The following DMD variants were observed in gnomAD, a reference collection of about 807,000 sequenced individuals.
DMD encodes the protein dystrophin.
DMD carries 63 observed loss-of-function variants against 330.1 expected under a neutral mutation model. The ratio of observed to expected loss-of-function variants is 0.19; its 90% confidence interval spans 0.16 to 0.24. DMD has a LOEUF of 0.24. DMD is among the 10% of genes least tolerant of loss of function. The pLI is 1.00. For synonymous variants in DMD, 1,223 were observed against 959.8 expected (o/e 1.27, Z -5.07); for missense variants, 3,344 against 2,684.1 (o/e 1.25, Z -5.43).
Position 32,386,576 on chromosome X carries a change from T to G in DMD, c.4519-111A>C, listed in dbSNP as rs1046055578. On this transcript the variant is annotated intron_variant, in intron 32 of 78. Transcript: ENST00000357033. ...CTTAATTGCTATTCCATGTTTGAAA[T>G]TTTAATAGAGTAGCATTTTGCAGCG... 9.9e-6 allele frequency: 7 copies of G among 705,351 alleles called. No homozygotes were observed. The African/African-American group carries it at 1.5e-4, about 15-fold the overall frequency. 58.1% of individuals were successfully genotyped at this position (705,351 alleles called of 1,213,427 possible).
chrX:31,144,949 A>G (rs1235694580), intron 76 of DMD, among the ~76,000 whole-genome samples: 1 of 111,513 alleles, frequency 9.0e-6, no homozygotes, highest in Admixed American at 9.4e-5. Flanking sequence ...TCTTGTTTTG[A>G]CCTTTGATCA....
chrX:32,659,954 C>A (rs886953003), intron 9 of DMD, among the ~76,000 whole-genome samples: 2 of 110,608 alleles, frequency 1.8e-5, no homozygotes, highest in Non-Finnish European at 3.8e-5. Flanking sequence ...TTCATTAACA[C>A]CTGCAAATTC....
In DMD at chrX:33,311,055, A is replaced by C. The variant is rs192920188; in HGVS notation, c.7+28204T>G. ...CAATGTAGAACTTCATAATTTTATA[A>C]ATATACATATATACATAAATATCTA... is the stretch of plus-strand genomic sequence containing the variant. On this transcript the variant is annotated intron_variant, in intron 1 of 17. Transcript: ENST00000288447. 4.9e-3 allele frequency among the ~76,000 whole-genome samples: 539 copies of C among 110,415 alleles called. 3 individuals carry two copies. The highest frequency in any genetic ancestry group is 0.017 in the African/African-American group (513 of 30,553).
intron 54 of DMD, among the ~76,000 whole-genome samples, chrX:31,651,019 A>G (rs1192123487): frequency 8.9e-6 from 1 of 111,968 alleles, no homozygotes; most frequent in Non-Finnish European, 1.9e-5. Flanking sequence ...AAAGAGAGGG[A>G]ATTGTTTCTA....
At chrX:31,761,950 A>G (rs1183249348) in intron 51 of DMD, among the ~76,000 whole-genome samples, 2 of 112,420 alleles carry the variant, frequency 1.8e-5, no homozygotes, top group Non-Finnish European at 3.8e-5. Context: ...AAAAAAATCC[A>G]AATTCTGTTC....
intron 45 of DMD, among the ~76,000 whole-genome samples, chrX:31,962,147 AAGG>A (rs2095312226): frequency 9.0e-6 from 1 of 111,428 alleles, no homozygotes; most frequent in African/African-American, 3.3e-5. Flanking sequence ...GTAAAATTAA[AAGG>A]AGAATAGCAA....
At chrX:31,410,923 T>G (rs199705689) in intron 60 of DMD, among the ~76,000 whole-genome samples, 24 of 77,383 alleles carry the variant, frequency 3.1e-4, no homozygotes, top group Middle Eastern at 6.6e-3. Context: ...GTGTGTGTGT[T>G]TTTTTTTTTT....
At chrX:32,790,644 C>T (rs1055816201) in intron 7 of DMD, among the ~76,000 whole-genome samples, 2 of 111,743 alleles carry the variant, frequency 1.8e-5, no homozygotes. Flanking sequence ...AAGGCAGGAA[C>T]CACTGGCAGC....
intron 2 of DMD, among the ~76,000 whole-genome samples, chrX:32,903,943 G>C (rs1468518856): frequency 9.0e-6 from 1 of 111,727 alleles, no homozygotes; most frequent in African/African-American, 3.3e-5. Flanking sequence ...TGTGAACTTA[G>C]ACAAGTTACT....
intron 44 of DMD, among the ~76,000 whole-genome samples, chrX:31,994,074 C>T (rs752098580): frequency 3.6e-5 from 4 of 111,447 alleles, no homozygotes; most frequent in African/African-American, 1.3e-4. Flanking sequence ...CCACAAGACT[C>T]CATAAACTAA....
intron 52 of DMD, among the ~76,000 whole-genome samples, chrX:31,689,232 C>T (rs2082929251): frequency 1.8e-5 from 2 of 112,181 alleles, no homozygotes; most frequent in Admixed American, 9.4e-5. Flanking sequence ...ATCGTCTCAG[C>T]CCAAAATCTC....
intron 40 of DMD, 22 bp downstream of exon 40, chrX:32,343,112 T>G: frequency 3.3e-6 from 4 of 1,201,377 alleles, no homozygotes; most frequent in South Asian, 1.8e-5. Context: ...AATCTGGTAT[T>G]GACATTCTAA....
chrX:32,425,420 A>G (rs979448618), intron 29 of DMD, among the ~76,000 whole-genome samples: 1 of 111,198 alleles, frequency 9.0e-6, no homozygotes, highest in African/African-American at 3.3e-5. Context: ...CCTATCTTGT[A>G]AGACTTTGCT....
At chrX:32,451,532 C>A (rs941435076) in intron 26 of DMD, among the ~76,000 whole-genome samples, 1 of 110,236 alleles carries the variant, frequency 9.1e-6, no homozygotes, top group Non-Finnish European at 1.9e-5. Flanking sequence ...CAAACTGTAC[C>A]CTGGGTTCTT....
intron 1 of DMD, chrX:33,159,315 T>C (rs956603107): frequency 1.8e-5 from 2 of 111,503 alleles, no homozygotes; most frequent in African/African-American, 6.5e-5. Flanking sequence ...CTTTAAATTC[T>C]GGGATACATG....
intron 1 of DMD, among the ~76,000 whole-genome samples, chrX:33,178,978 T>C (rs2049821656): frequency 8.9e-6 from 1 of 112,134 alleles, no homozygotes; most frequent in African/African-American, 3.2e-5. Flanking sequence ...TTTTGCCAAA[T>C]TGATGATGCC....
intron 55 of DMD, among the ~76,000 whole-genome samples, chrX:31,600,348 C>T (rs1402816342): frequency 1.2e-4 from 13 of 111,013 alleles, no homozygotes; most frequent in East Asian, 2.8e-4. Context: ...GAAATTGTAA[C>T]GGCACAGTTA....
rs770330585 is a variant in DMD, at chrX:32,474,200, T to TAC, written c.2804-1893_2804-1892dup. Among the ~76,000 whole-genome samples, 241 of 104,931 alleles carry TAC rather than the reference T, an allele frequency of 2.3e-3. 1 individual carries two copies. Among genetic ancestry groups the TAC allele is most frequent in the African/African-American group, 7.9e-3 (211 of 26,836 alleles). The allele number at this position is 104,931 out of a possible 115,157, so 91.1% of individuals were successfully genotyped here. A position where few individuals can be genotyped will look rare whatever the true frequency, so the allele number is the denominator to read the frequency against. Reference sequence around the variant, plus strand: ...TGAGTAGTATTCCATCATATATACATACATACATACACACACACACACACA... The same window carrying TAC: ...TGAGTAGTATTCCATCATATATACATACACATACATACACACACACACACACA... On this transcript the variant is annotated intron_variant, in intron 21 of 78. Transcript: ENST00000357033.
chrX:33,265,482 CT>C lies in DMD; in HGVS notation c.7+73776del, dbSNP rs1186212115. Among the ~76,000 whole-genome samples, 3 of 111,154 alleles carry C rather than the reference CT, an allele frequency of 2.7e-5. No individual in the cohort carries two copies. In the East Asian group the frequency reaches 8.4e-4, roughly 31 times the overall value. On this transcript the variant is annotated intron_variant, in intron 1 of 17. Coordinates refer to the DMD transcript ENST00000288447. ...TGAGAATTTACGTTAATGTCTTTTA[CT>C]TCTTCTTTTTGCATTTCAATTGAAA...
Sources: gnomAD v4.1 joint callset for allele counts (sites outside exome capture counted in the v4.1 genomes callset) on GRCh38, gnomAD v4.1.1 for gene constraint, MANE v1.5 for transcripts, NCBI Gene and HGNC (gene_info 2026-07-23, HGNC 2026-07-21) for gene names.